ZC3HAV1: variants seen among roughly 807,000 people sequenced by gnomAD.
ZC3HAV1 encodes zinc finger CCCH-type antiviral protein 1.
ZC3HAV1 carries 41 observed loss-of-function variants against 86.6 expected under a neutral mutation model. The ratio of observed to expected loss-of-function variants is 0.47; its 90% CI spans 0.37 to 0.61. ZC3HAV1 has a LOEUF of 0.61. ZC3HAV1 is among the 20% of genes least tolerant of loss of function. The pLI is 0.00. For missense variants in ZC3HAV1, 964 were observed against 1,141.1 expected (o/e 0.84, Z 2.24); for synonymous variants, 421 against 432.1 (o/e 0.97, Z 0.32).
Position 139,079,952 on chromosome 7 carries a change from A to C in ZC3HAV1, c.989T>G (p.Phe330Cys). 1 of 1,614,082 alleles carries C rather than the reference A, an allele frequency of 6.2e-7. No homozygotes were observed. The change falls in exon 4 of 13, where the codon TTT becomes TGT. Residue 330 changes from phenylalanine (F) to cysteine (C), a missense_variant. By Grantham distance (205) the Phe-to-Cys change is radical. Transcript: ENST00000242351. ...GTSQAGTSQR[F>C]LENGSQEDLL... ...GTCCTCTTGACTGCCGTTCTCTAAA[A>C]ACCTCTGGCTTGTCCCGGCCTGACT...
chr7:139,102,941 T>C lies in ZC3HAV1; in HGVS notation c.308+6083A>G, dbSNP rs942840591. Among the ~76,000 whole-genome samples the C allele has an allele frequency of 4.0e-5, 5 of 125,130 alleles. No individual in the cohort carries two copies. In the East Asian group the frequency reaches 1.0e-3, roughly 26 times the overall value. 82.1% of individuals were successfully genotyped at this position (125,130 alleles called of 152,430 possible). ...CTCAAAAAAAAAAAAAGTATATATA[T>C]ATGTATATGTATATGTATATGTATA... On this transcript the variant is annotated intron_variant, in intron 1 of 12. Coordinates refer to ENST00000242351, the MANE Select transcript of ZC3HAV1 (RefSeq NM_020119.4).
chr7:139,088,285 C>G (rs1817332893), intron 2 of ZC3HAV1, among the ~76,000 whole-genome samples: 1 of 152,150 alleles, frequency 6.6e-6, no homozygotes, highest in Non-Finnish European at 1.5e-5. Context: ...CGTCTTTCTT[C>G]TAGTAATAGA....
chr7:139,054,195 G>A, intron 10 of ZC3HAV1, 100 bp from the exon 11 acceptor site: 1 of 1,241,194 alleles, frequency 8.1e-7, no homozygotes, highest in Non-Finnish European at 1.1e-6. Context: ...TTGTTACCAG[G>A]GTTCTTTCTA....
In ZC3HAV1 at chr7:139,104,638, G is replaced by C. The variant is rs192585780; in HGVS notation, c.308+4386C>G. Among the ~76,000 whole-genome samples the C allele has an allele frequency of 5.0e-3, 730 of 145,918 alleles. 3 individuals carry two copies. Among genetic ancestry groups the C allele is most frequent in the Non-Finnish European group, 8.1e-3 (547 of 67,320 alleles). On this transcript the variant is annotated intron_variant, in intron 1 of 12. Transcript: ENST00000242351. ...CGCGGGAGGCTGAGGCAGGAGAATC[G>C]CTTGAACCGGGGAGGCGGAGGTTGC...
intron 1 of ZC3HAV1, among the ~76,000 whole-genome samples, chr7:139,103,722 AT>A (rs1382093522): frequency 2.0e-5 from 3 of 152,236 alleles, no homozygotes; most frequent in Non-Finnish European, 4.4e-5. Flanking sequence ...AAACCTGGAA[AT>A]ATACTATATA....
At position 139,061,066 on chromosome 7, in the gene ZC3HAV1, C is replaced by T; in HGVS notation, c.2066G>A (p.Trp689Ter). 1 of 1,613,694 alleles carries T rather than the reference C, an allele frequency of 6.2e-7. No homozygotes were observed. The highest frequency in any genetic ancestry group is 8.5e-7 in the Non-Finnish European group (1 of 1,179,950). The change falls in exon 9 of 13, where the codon TGG (tryptophan) becomes TAG (stop). Residue 689 changes from tryptophan to a stop codon, truncating the protein, a stop_gained. Coordinates refer to ENST00000242351, the MANE Select transcript of ZC3HAV1 (RefSeq NM_020119.4). LOFTEE classifies it high-confidence loss of function. Reference protein sequence around the residue: ...VIRRPTFVPQWYVQQMKRGPD... With the variant: ...VIRRPTFVPQ ...CCCTCTCTTCATCTGCTGCACATAC[C>T]ACTGAGGCACAAATGTTGGTCTTCT...
chr7:139,057,532 A>ATTTTTTT (rs765288792), intron 9 of ZC3HAV1, among the ~76,000 whole-genome samples: 2 of 56,908 alleles, frequency 3.5e-5, no homozygotes, highest in East Asian at 5.9e-4. Context: ...AAACAATTAC[A>ATTTTTTT]TTTTTTTTTT....
rs1257485126 is a variant in ZC3HAV1, at chr7:139,109,164, G to T, written c.168C>A (p.Gly56=). The T allele has an allele frequency of 1.9e-5, 30 of 1,596,534 alleles. No individual in the cohort carries two copies. In the Admixed American group the frequency reaches 2.3e-4, roughly 12 times the overall value. ...PDRFVVLETG[G]EAGITRSVVA... ...CCACCGATCGGGTGATCCCGGCCTC[G>T]CCGCCGGTCTCCAACACCACAAAGC... Residue 56 remains glycine, a synonymous_variant, in exon 1 of 13, where the codon GGC becomes GGA. Coordinates refer to ENST00000242351, the MANE Select transcript of ZC3HAV1 (RefSeq NM_020119.4).
rs1815949976 is a variant in ZC3HAV1 at position 139,046,142 on chromosome 7, T to C, written c.*1452A>G. The C allele has an allele frequency of 6.6e-6, 1 of 151,992 alleles. No individual in the cohort carries two copies. The highest frequency in any genetic ancestry group is 6.5e-5 in the Admixed American group (1 of 15,268). 9.4% of individuals were successfully genotyped at this position (151,992 alleles called of 1,614,324 possible). Reference sequence around the variant, plus strand: ...CTGGTTCATAAGAAGGAAGGAAATATTGGTCCAAGCACGTCAAGGGCTCTA... The same window carrying C: ...CTGGTTCATAAGAAGGAAGGAAATACTGGTCCAAGCACGTCAAGGGCTCTA... On this transcript the variant is annotated 3_prime_UTR_variant, in exon 13 of 13. Coordinates refer to ENST00000242351, the MANE Select transcript of ZC3HAV1 (RefSeq NM_020119.4).
chr7:139,053,310 G>A (rs543052259), intron 12 of ZC3HAV1, 141 bp downstream of exon 12: 39 of 994,152 alleles, frequency 3.9e-5, no homozygotes, highest in African/African-American at 1.8e-4. Flanking sequence ...TGATATTACC[G>A]TGAGCTTACT....
intron 1 of ZC3HAV1, among the ~76,000 whole-genome samples, chr7:139,102,967 T>C (rs1308881527): frequency 4.4e-5 from 4 of 90,766 alleles, no homozygotes; most frequent in African/African-American, 1.6e-4. Flanking sequence ...TATATGTATA[T>C]GTATATGTGT....
chr7:139,079,446 A>C, intron 4 of ZC3HAV1, 24 bp downstream of exon 4: 4 of 1,614,106 alleles, frequency 2.5e-6, no homozygotes, highest in Non-Finnish European at 3.4e-6. Context: ...GTACTAGCCC[A>C]AAGTGTCTTC....
chr7:139,102,905 C>G (rs1262808411), intron 1 of ZC3HAV1, among the ~76,000 whole-genome samples: 1 of 147,414 alleles, frequency 6.8e-6, no homozygotes, highest in Non-Finnish European at 1.5e-5. Flanking sequence ...GGTGACAGAA[C>G]AAGATCCTGT....
At chr7:139,099,598 C>A (rs1376791621) in intron 1 of ZC3HAV1, among the ~76,000 whole-genome samples, 2 of 152,166 alleles carry the variant, frequency 1.3e-5, no homozygotes, top group South Asian at 4.1e-4. Context: ...TGAAAATGTT[C>A]TGGAATTCCA....
intron 2 of ZC3HAV1, among the ~76,000 whole-genome samples, chr7:139,088,049 A>AAAAAAAG (rs1563137148): frequency 1.2e-4 from 18 of 150,382 alleles, no homozygotes; most frequent in South Asian, 2.1e-4. Flanking sequence ...AAAAAAAAAA[A>AAAAAAAG]AAAAAAGAAA....
chr7:139,071,947 C>T (rs1297997457), intron 7 of ZC3HAV1, among the ~76,000 whole-genome samples: 3 of 152,166 alleles, frequency 2.0e-5, no homozygotes, highest in Non-Finnish European at 4.4e-5. Flanking sequence ...GCCATGTGGC[C>T]CACTATAGGA....
chr7:139,056,377 T>C (rs1816281159), intron 9 of ZC3HAV1, among the ~76,000 whole-genome samples: 1 of 89,432 alleles, frequency 1.1e-5, no homozygotes, highest in East Asian at 3.9e-4. Context: ...GTTGTTTTTA[T>C]TGTTTTTTTT....
chr7:139,095,959 A>G (rs1297918827), intron 1 of ZC3HAV1, among the ~76,000 whole-genome samples: 1 of 152,190 alleles, frequency 6.6e-6, no homozygotes. Context: ...ATCAGGACTG[A>G]GAAAAAGGAG....
intron 3 of ZC3HAV1, among the ~76,000 whole-genome samples, chr7:139,081,205 C>A (rs943302536): frequency 1.3e-5 from 2 of 151,812 alleles, no homozygotes; most frequent in African/African-American, 2.4e-5. Flanking sequence ...GGAAGATGTG[C>A]ATGTCTGTGT....
Sources: allele counts gnomAD v4.1 joint callset (sites outside exome capture counted in the v4.1 genomes callset), GRCh38; gene constraint gnomAD v4.1.1; transcripts MANE v1.5; gene names NCBI Gene and HGNC (gene_info 2026-07-23, HGNC 2026-07-21).